C10orf143: variants seen among roughly 807,000 people sequenced by gnomAD.
C10orf143 encodes chromosome 10 open reading frame 143.
chr10:130,083,672 T>A (rs1861243392), intron 1 of C10orf143, among the ~76,000 whole-genome samples: 1 of 152,170 alleles, frequency 6.6e-6, no homozygotes, highest in African/African-American at 2.4e-5. Context: ...ATCCTTTGTG[T>A]AAGAAAGAAG....
At chr10:130,076,462 T>G (rs1157525666) in intron 3 of C10orf143, among the ~76,000 whole-genome samples, 1 of 152,166 alleles carries the variant, frequency 6.6e-6, no homozygotes, top group Non-Finnish European at 1.5e-5. Flanking sequence ...GGCAACAGGC[T>G]GACCAGTGAC....
At chr10:130,096,611 C>T (rs950859875) in intron 1 of C10orf143, among the ~76,000 whole-genome samples, 6 of 138,852 alleles carry the variant, frequency 4.3e-5, no homozygotes, top group Non-Finnish European at 6.2e-5. Flanking sequence ...CCAAACACCA[C>T]ATGTTCTCAC....
intron 1 of C10orf143, among the ~76,000 whole-genome samples, chr10:130,080,503 TTTGTGTA>T: frequency 1.3e-5 from 2 of 152,372 alleles, no homozygotes; most frequent in South Asian, 4.1e-4. Context: ...GTCCCAAGAC[TTTGTGTA>T]TTTTTAGGGT....
intron 3 of C10orf143, among the ~76,000 whole-genome samples, chr10:130,039,606 A>G (rs1193890993): frequency 6.6e-6 from 1 of 152,140 alleles, no homozygotes; most frequent in Non-Finnish European, 1.5e-5. Flanking sequence ...TCACAGACAC[A>G]CCCAGAAATA....
chr10:130,094,644 G>C (rs187142897), intron 1 of C10orf143, among the ~76,000 whole-genome samples: 2 of 152,288 alleles, frequency 1.3e-5, no homozygotes, highest in African/African-American at 2.4e-5. Context: ...TGTCTCAATA[G>C]ATGCAGAAAG....
intron 3 of C10orf143, among the ~76,000 whole-genome samples, chr10:130,078,753 CA>C (rs1327471498): frequency 3.9e-5 from 6 of 152,130 alleles, no homozygotes; most frequent in Non-Finnish European, 8.8e-5. Flanking sequence ...TACAGTATGT[CA>C]ATTGAGGATC....
intron 1 of C10orf143, among the ~76,000 whole-genome samples, chr10:130,090,594 G>T (rs1168425535): frequency 2.0e-5 from 3 of 152,140 alleles, no homozygotes; most frequent in East Asian, 3.9e-4. Flanking sequence ...GGGGGCTGAA[G>T]CCAGGGAGCC....
chr10:130,059,946 C>T (rs941978014), downstream of C10orf143, among the ~76,000 whole-genome samples: 20 of 152,162 alleles, frequency 1.3e-4, no homozygotes, highest in Admixed American at 5.2e-4. Flanking sequence ...TTAGGAGTGA[C>T]GACTGTATTG....
intron 3 of C10orf143, among the ~76,000 whole-genome samples, chr10:130,057,043 A>C (rs1051364647): frequency 2.1e-5 from 3 of 146,182 alleles, no homozygotes; most frequent in African/African-American, 7.5e-5. Context: ...ATATGCTACC[A>C]GCAGGCCCAG....
chr10:130,045,980 T>C (rs542189149), intron 3 of C10orf143, among the ~76,000 whole-genome samples: 3 of 150,250 alleles, frequency 2.0e-5, no homozygotes, highest in African/African-American at 7.4e-5. Flanking sequence ...GAGACCAGGG[T>C]GGGGCTCTGG....
intron 1 of C10orf143, among the ~76,000 whole-genome samples, chr10:130,095,670 T>C (rs1861451010): frequency 6.6e-6 from 1 of 152,130 alleles, no homozygotes; most frequent in South Asian, 2.1e-4. Context: ...TTGACAAAGC[T>C]GACAAAAACA....
intron 3 of C10orf143, among the ~76,000 whole-genome samples, chr10:130,053,782 C>T (rs1477859792): frequency 1.3e-5 from 2 of 152,354 alleles, no homozygotes; most frequent in East Asian, 1.9e-4. Context: ...GACAAGGAAG[C>T]TTTGTCAGAG....
At chr10:130,090,017 A>T (rs1365808117) in intron 1 of C10orf143, among the ~76,000 whole-genome samples, 3 of 152,242 alleles carry the variant, frequency 2.0e-5, no homozygotes, top group Non-Finnish European at 4.4e-5. Flanking sequence ...CTCAGATACA[A>T]CACCAAAAGA....
At chr10:130,106,731 C>A in intron 1 of C10orf143, 1 of 1,262,828 alleles carries the variant, frequency 7.9e-7, no homozygotes, top group South Asian at 1.2e-5. Flanking sequence ...TTGCAAGAAG[C>A]TGAAGTATGG....
chr10:130,078,774 T>A (rs2134766616), intron 3 of C10orf143, among the ~76,000 whole-genome samples: 1 of 152,322 alleles, frequency 6.6e-6, no homozygotes, highest in African/African-American at 2.4e-5. Flanking sequence ...CTCCATAATT[T>A]ATTGACTCAA....
At chr10:130,064,829 C>T (rs1860904622) in intron 3 of C10orf143, 1 of 152,276 alleles carries the variant, frequency 6.6e-6, no homozygotes, top group Non-Finnish European at 1.5e-5. Flanking sequence ...GGCCCCCAAC[C>T]CATTTCCTAG....
intron 3 of C10orf143, among the ~76,000 whole-genome samples, chr10:130,057,595 A>T (rs537403990): frequency 1.3e-5 from 2 of 152,234 alleles, no homozygotes; most frequent in East Asian, 1.9e-4. Context: ...GGTAGAGAAG[A>T]TGAGGTCTGA....
At chr10:130,042,624 G>A (rs115282991) in intron 3 of C10orf143, among the ~76,000 whole-genome samples, 1,809 of 152,290 alleles carry the variant, frequency 0.012, 38 homozygotes, top group African/African-American at 0.042. Flanking sequence ...AACACCATGG[G>A]CATCTGAAAT....
intron 3 of C10orf143, among the ~76,000 whole-genome samples, chr10:130,046,222 G>A (rs1860670692): frequency 6.6e-6 from 1 of 151,638 alleles, no homozygotes; most frequent in African/African-American, 2.4e-5. Context: ...GGGGTGGAGC[G>A]GGTGGGGCGA....
Sources: allele counts gnomAD v4.1 joint callset (sites outside exome capture counted in the v4.1 genomes callset), GRCh38; gene constraint gnomAD v4.1.1; transcripts MANE v1.5; gene names NCBI Gene and HGNC (gene_info 2026-07-23, HGNC 2026-07-21).